The following PDS5B variants were observed in gnomAD, a reference collection of about 807,000 sequenced individuals.
The protein encoded by PDS5B is sister chromatid cohesion protein PDS5 homolog B.
PDS5B carries 51 observed loss-of-function variants against 184.1 expected under a neutral mutation model. The observed-to-expected ratio is 0.28, with a 90% CI of 0.22 to 0.35. PDS5B has a LOEUF of 0.35. Ranked by LOEUF, PDS5B falls within the 10% of genes least tolerant of loss-of-function variation. PDS5B has a pLI of 1.00. For missense variants in PDS5B, 1,180 were observed against 1,723.3 expected (o/e 0.68, Z 5.58); for synonymous variants, 566 against 569.2 (o/e 0.99, Z 0.08).
chr13:32,765,356 T>A (rs1401451200), intron 31 of PDS5B, among the ~76,000 whole-genome samples: 1 of 152,246 alleles, frequency 6.6e-6, no homozygotes, highest in Admixed American at 6.5e-5. Context: ...TTGCTGCTGC[T>A]GTTTCATTGT....
chr13:32,704,403 A>G (rs1951947963), intron 17 of PDS5B, among the ~76,000 whole-genome samples: 2 of 152,198 alleles, frequency 1.3e-5, no homozygotes, highest in African/African-American at 4.8e-5. Flanking sequence ...TCCTGGCCTC[A>G]AGTGATCTGC....
At chr13:32,727,338 G>A (rs1952940376) in intron 19 of PDS5B, among the ~76,000 whole-genome samples, 3 of 151,940 alleles carry the variant, frequency 2.0e-5, no homozygotes, top group African/African-American at 7.2e-5. Context: ...TTTTACTCTA[G>A]TGTATCTCGA....
intron 24 of PDS5B, among the ~76,000 whole-genome samples, chr13:32,752,243 A>T (rs9596203): frequency 0.012 from 1,836 of 152,278 alleles, 38 homozygotes; most frequent in African/African-American, 0.041. Context: ...GTTCTATCTT[A>T]TTAGTTACTG....
At chr13:32,701,582 C>T in intron 17 of PDS5B, 144 bp downstream of exon 17, 1 of 517,106 alleles carries the variant, frequency 1.9e-6, no homozygotes, top group Non-Finnish European at 3.5e-6. Context: ...CTGCATATAC[C>T]TGTATTTGTA....
intron 1 of PDS5B, among the ~76,000 whole-genome samples, chr13:32,605,907 T>TTC (rs532990872): frequency 1.9e-4 from 29 of 150,596 alleles, no homozygotes; most frequent in Non-Finnish European, 1.5e-4. Flanking sequence ...TTTTTTTTTT[T>TTC]CCCATTTGCT....
In PDS5B at chr13:32,658,496, C is replaced by T; in HGVS notation, c.462C>T (p.Phe154=). The T allele has an allele frequency of 6.3e-7, 1 of 1,576,438 alleles. No individual in the cohort carries two copies. The highest frequency in any genetic ancestry group is 8.7e-7 in the Non-Finnish European group (1 of 1,151,950). ...CFELEDSNEI[F]TQLYRTLFSV... The stretch of plus-strand genomic sequence containing the variant: ...AGTTAGAAGATAGCAATGAAATTTT[C>T]ACCCAGCTATACAGAACCTTATTTT... The change falls in exon 5 of 35, where the codon TTC becomes TTT. Residue 154 remains phenylalanine, a synonymous_variant. Transcript: ENST00000315596.
At chr13:32,694,929 A>T (rs1234156505) in intron 14 of PDS5B, among the ~76,000 whole-genome samples, 2 of 151,728 alleles carry the variant, frequency 1.3e-5, no homozygotes, top group Admixed American at 1.3e-4. Context: ...GTCATTTTAA[A>T]TTGCCTTCAG....
chr13:32,636,861 G>A (rs1239832348), intron 1 of PDS5B, among the ~76,000 whole-genome samples: 2 of 152,182 alleles, frequency 1.3e-5, no homozygotes, highest in African/African-American at 2.4e-5. Flanking sequence ...ATTTTATTTA[G>A]ACTGAGTAGA....
chr13:32,753,268 A>G (rs1954052568), intron 24 of PDS5B, 64 bp from the exon 25 acceptor site: 1 of 1,346,564 alleles, frequency 7.4e-7, no homozygotes, highest in African/African-American at 1.5e-5. Flanking sequence ...AGCAAATTTT[A>G]TATCTGAAGT....
chr13:32,734,096 C>T (rs1052496267), intron 20 of PDS5B, among the ~76,000 whole-genome samples: 18 of 151,538 alleles, frequency 1.2e-4, no homozygotes, highest in Admixed American at 2.0e-4. Context: ...GGCGTGATCT[C>T]TGCTCACTGC....
rs965470762 is a variant in PDS5B, at chr13:32,599,631, C to G, written c.-20+13038C>G. On this transcript the variant is annotated intron_variant, in intron 1 of 34. Coordinates refer to ENST00000315596, the MANE Select transcript of PDS5B (RefSeq NM_015032.4). The stretch of plus-strand genomic sequence containing the variant: ...CATTTTAGACCTTACTTAAAAAATA[C>G]CGGCCGGGCGCGGTGACTCATGCCT... Among the ~76,000 whole-genome samples, 56 of 151,082 alleles carry G rather than the reference C, an allele frequency of 3.7e-4. 1 individual carries two copies. Among genetic ancestry groups the G allele is most frequent in the Non-Finnish European group, 1.0e-4 (7 of 67,832 alleles).
chr13:32,759,181 T>C (rs977150912), intron 28 of PDS5B, among the ~76,000 whole-genome samples: 3 of 152,196 alleles, frequency 2.0e-5, no homozygotes, highest in Non-Finnish European at 4.4e-5. Flanking sequence ...GCTGAACATA[T>C]TGAGTAACAG....
At chr13:32,629,626 T>C (rs1397966899) in intron 1 of PDS5B, among the ~76,000 whole-genome samples, 1 of 152,226 alleles carries the variant, frequency 6.6e-6, no homozygotes, top group East Asian at 1.9e-4. Flanking sequence ...GTTTATCTTA[T>C]GGTTGATATT....
rs371056675 is a variant in PDS5B, at chr13:32,741,699, C to CTCTGTG, written c.2475+552_2475+553insCTGTGT. Among the ~76,000 whole-genome samples the CTCTGTG allele has an allele frequency of 3.3e-3, 461 of 139,270 alleles. 7 individuals carry two copies. The highest frequency in any genetic ancestry group is 0.029 in the Admixed American group (410 of 13,962). 91.4% of individuals were successfully genotyped at this position (139,270 alleles called of 152,430 possible). A position where few individuals can be genotyped will look rare whatever the true frequency, so the allele number is the denominator to read the frequency against. On this transcript the variant is annotated intron_variant, in intron 22 of 34. Transcript: ENST00000315596. ...GTAATTTCTTATAAACCCTTTCAGT[C>CTCTGTG]TGTGTGTGTGTGTGTGTGTGTGTGT...
chr13:32,607,995 C>T lies in PDS5B; in HGVS notation c.-20+21402C>T, dbSNP rs556898670. On this transcript the variant is annotated intron_variant, in intron 1 of 34. Transcript: ENST00000315596. ...TTGGCTAGGAGAGGGAATTCCCCAA[C>T]GCCTTGCGCTTCCCGGGTGAGGTGA... Among the ~76,000 whole-genome samples the T allele has an allele frequency of 2.5e-3, 378 of 152,302 alleles. 2 individuals are homozygous for T. Among genetic ancestry groups the T allele is most frequent in the African/African-American group, 8.6e-3 (357 of 41,584 alleles).
At chr13:32,761,773 G>C (rs1440486566) in intron 30 of PDS5B, among the ~76,000 whole-genome samples, 1 of 152,120 alleles carries the variant, frequency 6.6e-6, no homozygotes, top group Admixed American at 6.6e-5. Flanking sequence ...ACAGATGAGT[G>C]CATGTGACTT....
intron 1 of PDS5B, among the ~76,000 whole-genome samples, chr13:32,638,043 GGT>G (rs1034414968): frequency 2.6e-5 from 4 of 152,156 alleles, no homozygotes; most frequent in African/African-American, 9.7e-5. Flanking sequence ...ATGCCTCTGT[GGT>G]CACCTGGTGA....
chr13:32,652,978 G>A (rs938432060), intron 3 of PDS5B, among the ~76,000 whole-genome samples: 3 of 152,114 alleles, frequency 2.0e-5, no homozygotes, highest in Admixed American at 6.5e-5. Context: ...AGGCAGATCA[G>A]GTAGGAATTA....
At chr13:32,696,601 G>T (rs992381122) in intron 14 of PDS5B, among the ~76,000 whole-genome samples, 7 of 151,764 alleles carry the variant, frequency 4.6e-5, no homozygotes, top group Non-Finnish European at 8.8e-5. Flanking sequence ...ATGTAGTGCA[G>T]CTGTCTGATT....
Sources: gnomAD v4.1 joint callset for allele counts (sites outside exome capture counted in the v4.1 genomes callset) on GRCh38, gnomAD v4.1.1 for gene constraint, MANE v1.5 for transcripts, NCBI Gene and HGNC (gene_info 2026-07-23, HGNC 2026-07-21) for gene names.